Variants in SLFN12L observed in about 807,000 individuals in gnomAD.
The protein encoded by SLFN12L is schlafen family member 12-like.
SLFN12L carries 34 observed loss-of-function variants against 34.8 expected under a neutral mutation model. That is an observed-to-expected ratio of 0.98 (90% CI 0.74 to 1.30). The LOEUF (loss-of-function observed/expected upper bound fraction) is 1.30, where lower values mean the gene tolerates loss of function less well. SLFN12L is among the 50% of genes most tolerant of loss of function. The pLI, the probability that SLFN12L is intolerant of heterozygous loss-of-function variation, is 0.00. For synonymous variants in SLFN12L, 259 were observed against 247.5 expected (o/e 1.05, Z -0.44); for missense variants, 703 against 696.2 (o/e 1.01, Z -0.11).
chr17:35,490,569 G>A (rs1914797306), intron 2 of SLFN12L: 1 of 827,014 alleles, frequency 1.2e-6, no homozygotes, highest in African/African-American at 1.7e-5. Flanking sequence ...CTGCGGATGG[G>A]GGCATGCTGA....
chr17:35,508,876 G>A (rs1004914678), intron 2 of SLFN12L, among the ~76,000 whole-genome samples: 2 of 151,970 alleles, frequency 1.3e-5, no homozygotes, highest in African/African-American at 2.4e-5. Context: ...ATTATTCTGG[G>A]CATTAAAAAT....
At chr17:35,530,850 A>G (rs757962905) in intron 1 of SLFN12L, among the ~76,000 whole-genome samples, 2 of 152,142 alleles carry the variant, frequency 1.3e-5, no homozygotes, top group Non-Finnish European at 2.9e-5. Flanking sequence ...CCGTGAAAAC[A>G]TTTCGTTATT....
At chr17:35,524,071 CT>C (rs2072308572) in intron 1 of SLFN12L, among the ~76,000 whole-genome samples, 1 of 152,176 alleles carries the variant, frequency 6.6e-6, no homozygotes, top group Admixed American at 6.5e-5. Context: ...ATTACCCAAA[CT>C]TTACTGGTAA....
chr17:35,480,064 A>AT lies in SLFN12L; in HGVS notation c.217dup (p.Met73AsnfsTer12), dbSNP rs766673635. ...CTGTTTTCTCAGTTGACAATCCTTC[A>AT]TTTTTTTTCTATTGTTCTCTCCAAG... On this transcript the variant is annotated frameshift_variant, in exon 3 of 5. Coordinates refer to ENST00000628453, the MANE Select transcript of SLFN12L (RefSeq NM_001363830.2). LOFTEE classifies it high-confidence loss of function. 4 of 1,613,644 alleles carry AT rather than the reference A, an allele frequency of 2.5e-6. No individual in the cohort carries two copies. The highest frequency in any genetic ancestry group is 2.2e-5 in the East Asian group (1 of 44,878).
chr17:35,528,391 A>G (rs2072359063), intron 1 of SLFN12L, among the ~76,000 whole-genome samples: 1 of 152,222 alleles, frequency 6.6e-6, no homozygotes, highest in Non-Finnish European at 1.5e-5. Context: ...AGCCAAGACA[A>G]TCCTAAGCAA....
Position 35,469,325 on chromosome 17 carries a change from TAA to T in SLFN12L, c.*5596_*5597del, listed in dbSNP as rs34981227. On this transcript the variant is annotated 3_prime_UTR_variant, in exon 5 of 5. Coordinates refer to ENST00000628453, the MANE Select transcript of SLFN12L (RefSeq NM_001363830.2). ...ATAAAATATATATATATTATATATA[TAA>T]ATATATATATAATATATATATATAT... 0.14 allele frequency among the ~76,000 whole-genome samples: 19,179 copies of T among 136,938 alleles called. 1,424 individuals are homozygous for T. Among genetic ancestry groups the T allele is most frequent in the South Asian group, 0.28 (1,170 of 4,226 alleles). The allele number at this position is 136,938 out of a possible 152,430, so 89.8% of individuals were successfully genotyped here.
intron 2 of SLFN12L, chr17:35,489,862 C>G: frequency 1.4e-6 from 1 of 710,026 alleles, no homozygotes; most frequent in Non-Finnish European, 2.3e-6. Context: ...CATCTACTTC[C>G]GGAGAGGAAC....
At position 35,467,389 on chromosome 17, in the gene SLFN12L, C is replaced by T. The variant is rs74393427; in HGVS notation, c.*7534G>A. On this transcript the variant is annotated 3_prime_UTR_variant, in exon 5 of 5. Coordinates refer to ENST00000628453, the MANE Select transcript of SLFN12L (RefSeq NM_001363830.2). ...AAGAACCTCTTTCCTCTTAGATACC[C>T]AAAATCACGTGTCTATGTATATTAA... 6.6e-5 allele frequency among the ~76,000 whole-genome samples: 10 copies of T among 152,300 alleles called. No homozygotes were observed. The East Asian group carries it at 1.9e-3, about 29-fold the overall frequency.
intron 4 of SLFN12L, among the ~76,000 whole-genome samples, chr17:35,476,164 G>T (rs1045175032): frequency 2.0e-5 from 3 of 152,034 alleles, no homozygotes; most frequent in African/African-American, 7.2e-5. Flanking sequence ...ACAGAGGTCA[G>T]ACTTCAGGGC....
chr17:35,482,059 A>G (rs1005839674), intron 2 of SLFN12L, among the ~76,000 whole-genome samples: 1 of 152,108 alleles, frequency 6.6e-6, no homozygotes, highest in East Asian at 1.9e-4. Flanking sequence ...ACAGCGTTTC[A>G]CCATGTTGGC....
intron 2 of SLFN12L, 151 bp from the exon 3 acceptor site, chr17:35,480,346 AGCTAAG>A: frequency 1.8e-6 from 1 of 562,108 alleles, no homozygotes; most frequent in Non-Finnish European, 2.9e-6. Context: ...ACAAATTTTG[AGCTAAG>A]GCTGTGATAA....
chr17:35,468,871 C>T lies in SLFN12L; in HGVS notation c.*6052G>A, dbSNP rs1176948213. Among the ~76,000 whole-genome samples the T allele has an allele frequency of 1.3e-5, 2 of 152,050 alleles. No individual in the cohort carries two copies. The highest frequency in any genetic ancestry group is 2.9e-5 in the Non-Finnish European group (2 of 68,014). On this transcript the variant is annotated 3_prime_UTR_variant, in exon 5 of 5. Coordinates refer to ENST00000628453, the MANE Select transcript of SLFN12L (RefSeq NM_001363830.2). ...TCTCTACAAAACATATAAAAGTTAG[C>T]TGGGCATGGTGGTGTACACCTGTAG...
intron 2 of SLFN12L, among the ~76,000 whole-genome samples, chr17:35,505,685 C>T (rs1263505600): frequency 6.6e-6 from 1 of 152,130 alleles, no homozygotes; most frequent in African/African-American, 2.4e-5. Context: ...ATCTCCAAGA[C>T]CACCCTTGAA....
intron 2 of SLFN12L, among the ~76,000 whole-genome samples, chr17:35,510,884 A>C (rs34410583): frequency 0.14 from 20,886 of 151,662 alleles, 1,876 homozygotes; most frequent in South Asian, 0.28. Context: ...ATTACTACTA[A>C]TATCTGACCT....
At chr17:35,530,690 T>G (rs1484827266) in intron 1 of SLFN12L, among the ~76,000 whole-genome samples, 1 of 152,096 alleles carries the variant, frequency 6.6e-6, no homozygotes, top group Non-Finnish European at 1.5e-5. Context: ...TAGTCTTTTT[T>G]ATTTCAAAGA....
rs545730483 is a variant in SLFN12L, at chr17:35,468,911, G to T, written c.*6012C>A. On this transcript the variant is annotated 3_prime_UTR_variant, in exon 5 of 5. Coordinates refer to ENST00000628453, the MANE Select transcript of SLFN12L (RefSeq NM_001363830.2). The stretch of plus-strand genomic sequence containing the variant: ...TACACCTGTAGTCCCAGCTACTCAA[G>T]AGTCTGAGGCAGGAGAATCTCTTGA... Among the ~76,000 whole-genome samples, 3 of 152,272 alleles carry T rather than the reference G, an allele frequency of 2.0e-5. No individual in the cohort carries two copies. The highest frequency in any genetic ancestry group is 1.3e-4 in the Admixed American group (2 of 15,304).
chr17:35,483,721 A>C (rs1464336240), intron 2 of SLFN12L, among the ~76,000 whole-genome samples: 3 of 152,200 alleles, frequency 2.0e-5, no homozygotes, highest in African/African-American at 7.2e-5. Context: ...CGAAAACCTA[A>C]AGACTGTAGG....
rs930276382 is a variant in SLFN12L, at chr17:35,475,196, C to T, written c.1566G>A (p.Gln522=). Residue 522 remains glutamine, a synonymous_variant, in exon 5 of 5, where the codon CAG becomes CAA. Transcript: ENST00000628453. ...TGTAACCACCAATTTTTGCCAGCTT[C>T]TGTTTTAAAGTTTGGGCAGTTTGTG... ...YSTQTAQTLK[Q]KLAKIGGYTK... 9 of 1,614,064 alleles carry T rather than the reference C, an allele frequency of 5.6e-6. No homozygotes were observed. Among genetic ancestry groups the T allele is most frequent in the Admixed American group, 3.3e-5 (2 of 60,008 alleles).
chr17:35,474,841 G>T lies in SLFN12L; in HGVS notation c.*82C>A. 7.4e-7 allele frequency: 1 copy of T among 1,360,370 alleles called. No homozygotes were observed. The highest frequency in any genetic ancestry group is 9.7e-7 in the Non-Finnish European group (1 of 1,027,858). The allele number at this position is 1,360,370 out of a possible 1,614,324, so 84.3% of individuals were successfully genotyped here. On this transcript the variant is annotated 3_prime_UTR_variant, in exon 5 of 5. Coordinates refer to ENST00000628453, the MANE Select transcript of SLFN12L (RefSeq NM_001363830.2). Reference sequence around the variant, plus strand: ...CAGCTACTCGGGAGGCTGAGGCAGGGAATTGCTTGAACCCAGGAGGCAGAG... The same window carrying T: ...CAGCTACTCGGGAGGCTGAGGCAGGTAATTGCTTGAACCCAGGAGGCAGAG...
Sources: gnomAD v4.1 joint callset for allele counts (sites outside exome capture counted in the v4.1 genomes callset) on GRCh38, gnomAD v4.1.1 for gene constraint, MANE v1.5 for transcripts, NCBI Gene and HGNC (gene_info 2026-07-23, HGNC 2026-07-21) for gene names.